LRP12: variants seen among roughly 807,000 people sequenced by gnomAD.
The protein encoded by LRP12 is LDL receptor related protein 12, also known as low-density lipoprotein receptor-related protein 12.
Under a neutral mutation model 66.0 loss-of-function variants are expected in LRP12, and 14 were observed. The ratio of observed to expected loss-of-function variants is 0.21; its 90% CI spans 0.14 to 0.33. LRP12 has a LOEUF of 0.33. Ranked by LOEUF, LRP12 falls within the 10% of genes least tolerant of loss-of-function variation. The pLI is 1.00. For missense variants in LRP12, 889 were observed against 1,053.4 expected (o/e 0.84, Z 2.16); for synonymous variants, 357 against 359.1 (o/e 0.99, Z 0.07).
intron 1 of LRP12, among the ~76,000 whole-genome samples, chr8:104,537,067 T>TAA (rs563891275): frequency 3.0e-4 from 43 of 141,360 alleles, no homozygotes; most frequent in African/African-American, 9.8e-4. Flanking sequence ...GAAAAATATG[T>TAA]AAAAAAAAAA....
At chr8:104,511,910 T>A (rs1460053061) in intron 2 of LRP12, among the ~76,000 whole-genome samples, 4 of 152,048 alleles carry the variant, frequency 2.6e-5, no homozygotes, top group African/African-American at 9.7e-5. Context: ...TTTTTCTTTT[T>A]TTTTTTGCTG....
rs1194124918 is a variant in LRP12, at chr8:104,511,342, T to A, written c.137-2268A>T. Among the ~76,000 whole-genome samples, 19 of 142,760 alleles carry A rather than the reference T, an allele frequency of 1.3e-4. 1 individual carries two copies. The South Asian group carries it at 1.8e-3, about 13-fold the overall frequency. The allele number at this position is 142,760 out of a possible 152,430, so 93.7% of individuals were successfully genotyped here. A position where few individuals can be genotyped will look rare whatever the true frequency, so the allele number is the denominator to read the frequency against. ...CAGGCGTGAGCCACCGCGCCCAGCA[T>A]TTTTTTTTTTTTAAGAGATGAGATC... On this transcript the variant is annotated intron_variant, in intron 2 of 6. Transcript: ENST00000276654.
At chr8:104,514,545 T>TA (rs565370904) in intron 2 of LRP12, among the ~76,000 whole-genome samples, 15,327 of 128,642 alleles carry the variant, frequency 0.12, 960 homozygotes, top group South Asian at 0.15. Context: ...CGTCTCTACT[T>TA]AAAAAAAAAA....
At chr8:104,529,875 T>G (rs1290026452) in intron 2 of LRP12, among the ~76,000 whole-genome samples, 3 of 152,210 alleles carry the variant, frequency 2.0e-5, no homozygotes, top group African/African-American at 7.2e-5. Flanking sequence ...CACCATTATC[T>G]GAAAAAGGCT....
chr8:104,494,068 C>T lies in LRP12; in HGVS notation c.1713+1009G>A, dbSNP rs1216838327. Among the ~76,000 whole-genome samples the T allele has an allele frequency of 4.6e-5, 7 of 152,100 alleles. No homozygotes were observed. In the South Asian group the frequency reaches 8.3e-4, roughly 18 times the overall value. On this transcript the variant is annotated intron_variant, in intron 6 of 6. Coordinates refer to ENST00000276654, the MANE Select transcript of LRP12 (RefSeq NM_013437.5). The stretch of plus-strand genomic sequence containing the variant: ...GGAGTGAAGACAATCTTGTGTGTAC[C>T]GTGTTCTCTCTAACTTTATGGGGTT...
At position 104,508,830 on chromosome 8, in the gene LRP12, T is replaced by G. The variant is rs891032782; in HGVS notation, c.272+109A>C. On this transcript the variant is annotated intron_variant, in intron 3 of 6. Transcript: ENST00000276654. ...TAGCTAATAGCTGTTCTTTATTACA[T>G]CTCCTGAAAAGCCTTCTTTTTATAT... 16 of 957,370 alleles carry G rather than the reference T, an allele frequency of 1.7e-5. No individual in the cohort carries two copies. The African/African-American group carries it at 2.2e-4, about 13-fold the overall frequency. 59.3% of individuals were successfully genotyped at this position (957,370 alleles called of 1,614,324 possible). A position where few individuals can be genotyped will look rare whatever the true frequency, so the allele number is the denominator to read the frequency against.
At chr8:104,586,267 G>A (rs555140789) in intron 1 of LRP12, among the ~76,000 whole-genome samples, 34 of 152,262 alleles carry the variant, frequency 2.2e-4, no homozygotes, top group African/African-American at 6.7e-4. Context: ...CCATAAAATC[G>A]TCATCTGGAA....
At chr8:104,543,501 C>A (rs1214199609) in intron 1 of LRP12, among the ~76,000 whole-genome samples, 1 of 152,136 alleles carries the variant, frequency 6.6e-6, no homozygotes, top group Non-Finnish European at 1.5e-5. Context: ...AGCTGTCTCT[C>A]CCTCTCCTCG....
intron 1 of LRP12, among the ~76,000 whole-genome samples, chr8:104,539,390 G>A (rs1211082078): frequency 6.6e-6 from 1 of 152,006 alleles, no homozygotes; most frequent in Non-Finnish European, 1.5e-5. Context: ...TTGGCTCTGG[G>A]TTAATAACTG....
At chr8:104,535,983 G>T (rs1211589053) in intron 1 of LRP12, among the ~76,000 whole-genome samples, 1 of 152,060 alleles carries the variant, frequency 6.6e-6, no homozygotes, top group African/African-American at 2.4e-5. Context: ...AAATGAAAAT[G>T]CTCAGCTTCC....
chr8:104,529,625 A>G (rs1302203525), intron 2 of LRP12, among the ~76,000 whole-genome samples: 4 of 152,236 alleles, frequency 2.6e-5, no homozygotes, highest in Non-Finnish European at 4.4e-5. Context: ...CCAAATTTTC[A>G]TAAGTTCTCA....
intron 2 of LRP12, among the ~76,000 whole-genome samples, chr8:104,523,342 A>G (rs1811178795): frequency 6.6e-6 from 1 of 152,206 alleles, no homozygotes; most frequent in African/African-American, 2.4e-5. Flanking sequence ...AACCTATTAT[A>G]AAGAGTTAGA....
chr8:104,509,893 T>G (rs560422108), intron 2 of LRP12, among the ~76,000 whole-genome samples: 1 of 152,206 alleles, frequency 6.6e-6, no homozygotes, highest in South Asian at 2.1e-4. Flanking sequence ...AGCAATCAGG[T>G]TTGGTACTCT....
chr8:104,550,197 C>T (rs1811705464), intron 1 of LRP12, among the ~76,000 whole-genome samples: 1 of 152,038 alleles, frequency 6.6e-6, no homozygotes, highest in Admixed American at 6.5e-5. Flanking sequence ...TCCAGTTTTA[C>T]ATGCAGAAAA....
At chr8:104,571,660 T>C (rs1052403288) in intron 1 of LRP12, among the ~76,000 whole-genome samples, 2 of 152,216 alleles carry the variant, frequency 1.3e-5, no homozygotes, top group Non-Finnish European at 2.9e-5. Flanking sequence ...CTTTCCTTTA[T>C]AAATGACCTG....
chr8:104,548,223 G>C (rs865853787), intron 1 of LRP12, among the ~76,000 whole-genome samples: 4 of 88,028 alleles, frequency 4.5e-5, no homozygotes, highest in Non-Finnish European at 5.5e-5. Flanking sequence ...ATTAATATAT[G>C]ATATATTTAT....
intron 2 of LRP12, among the ~76,000 whole-genome samples, chr8:104,527,482 C>G (rs1390379114): frequency 1.3e-5 from 2 of 150,852 alleles, no homozygotes; most frequent in Non-Finnish European, 3.0e-5. Context: ...CACATATACA[C>G]CATGGAATAC....
At position 104,531,889 on chromosome 8, in the gene LRP12, T is replaced by C; in HGVS notation, c.136+18A>G. The C allele has an allele frequency of 6.5e-7, 1 of 1,543,326 alleles. No homozygotes were observed. Among genetic ancestry groups the C allele is most frequent in the Non-Finnish European group, 8.8e-7 (1 of 1,131,092 alleles). On this transcript the variant is annotated intron_variant, in intron 2 of 6. Transcript: ENST00000276654. Reference sequence around the variant, plus strand: ...ATAAGTCATGCATGAAATTTAAACATTACAAAAAATGACTTACCAGTTGAC... The same window carrying C: ...ATAAGTCATGCATGAAATTTAAACACTACAAAAAATGACTTACCAGTTGAC...
chr8:104,524,576 G>A (rs900829822), intron 2 of LRP12, among the ~76,000 whole-genome samples: 6 of 152,042 alleles, frequency 3.9e-5, no homozygotes, highest in Non-Finnish European at 2.9e-5. Context: ...AAGGCTAAGG[G>A]AAAAATGTAC....
Sources: allele counts gnomAD v4.1 joint callset (sites outside exome capture counted in the v4.1 genomes callset), GRCh38; gene constraint gnomAD v4.1.1; transcripts MANE v1.5; gene names NCBI Gene and HGNC (gene_info 2026-07-23, HGNC 2026-07-21).